Variants in TMEM163 observed in about 807,000 individuals in gnomAD.
TMEM163 encodes transmembrane protein 163.
A neutral mutation model predicts 29.3 loss-of-function variants in TMEM163; 17 were observed. That is an observed-to-expected ratio of 0.58 (90% CI 0.40 to 0.87). TMEM163 has a LOEUF of 0.87. Among genes scored for constraint, TMEM163 ranks in the 40% least tolerant of loss-of-function variants. The pLI is 0.00. For synonymous variants in TMEM163, 157 were observed against 160.6 expected, an observed-to-expected ratio of 0.98 and a Z score of 0.17; for missense variants, 303 against 381.5, an observed-to-expected ratio of 0.79 and a Z score of 1.71.
At chr2:134,474,483 A>C (rs1686872192) in intron 5 of TMEM163, among the ~76,000 whole-genome samples, 1 of 152,202 alleles carries the variant, frequency 6.6e-6, no homozygotes, top group South Asian at 2.1e-4. Flanking sequence ...GGAAAAAGGC[A>C]AGGACATCTA....
intron 4 of TMEM163, among the ~76,000 whole-genome samples, chr2:134,509,105 A>G (rs1378697866): frequency 1.3e-5 from 2 of 152,228 alleles, no homozygotes; most frequent in African/African-American, 4.8e-5. Flanking sequence ...TTGTTAAATG[A>G]TTAGTCTCTA....
rs766803610 is a variant in TMEM163 at position 134,461,927 on chromosome 2, G to A, written c.668-3754C>T. Among the ~76,000 whole-genome samples, 6 of 152,266 alleles carry A rather than the reference G, an allele frequency of 3.9e-5. No individual in the cohort carries two copies. In the East Asian group the frequency reaches 9.6e-4, roughly 24 times the overall value. ...ATGGCTCCCTGAGCCCATCCTGCCC[G>A]CCCACCTTCCAAAGTGAGGAAAGAA... is the stretch of plus-strand genomic sequence containing the variant. On this transcript the variant is annotated intron_variant, in intron 6 of 7. Transcript: ENST00000281924.
intron 5 of TMEM163, among the ~76,000 whole-genome samples, chr2:134,501,132 A>T (rs1679688424): frequency 6.6e-6 from 1 of 152,090 alleles, no homozygotes; most frequent in South Asian, 2.1e-4. Context: ...TTGTCAATTT[A>T]AAAAAATAAG....
intron 2 of TMEM163, among the ~76,000 whole-genome samples, chr2:134,678,305 T>C (rs552346931): frequency 4.6e-5 from 7 of 152,340 alleles, no homozygotes; most frequent in Middle Eastern, 3.4e-3. Context: ...TCCAGGCAGA[T>C]GGCTGTTGAG....
At chr2:134,537,869 T>C (rs1055932487) in intron 4 of TMEM163, among the ~76,000 whole-genome samples, 1 of 152,166 alleles carries the variant, frequency 6.6e-6, no homozygotes, top group Non-Finnish European at 1.5e-5. Context: ...ACTACTTCAA[T>C]AGTACTTTAA....
chr2:134,687,568 A>G (rs1417238168), intron 2 of TMEM163, among the ~76,000 whole-genome samples: 1 of 152,232 alleles, frequency 6.6e-6, no homozygotes, highest in Admixed American at 6.5e-5. Flanking sequence ...TGGCTGTGAC[A>G]AAGTGAATAT....
At chr2:134,704,894 C>G (rs1044699805) in intron 2 of TMEM163, among the ~76,000 whole-genome samples, 1 of 152,116 alleles carries the variant, frequency 6.6e-6, no homozygotes, top group African/African-American at 2.4e-5. Flanking sequence ...TTGTTACTGA[C>G]TGAACTGTGT....
rs7590982 is a variant in TMEM163, at chr2:134,530,866, C to T, written c.458+19704G>A. Among the ~76,000 whole-genome samples the T allele has an allele frequency of 5.8e-3, 882 of 152,308 alleles. 10 individuals are homozygous for T. Among genetic ancestry groups the T allele is most frequent in the African/African-American group, 0.02 (848 of 41,566 alleles). ...ATTCCTCAACACATACCCATGTGCA[C>T]AGACAAGCGCACGCACACACAACAC... On this transcript the variant is annotated intron_variant, in intron 4 of 7. Transcript: ENST00000281924.
chr2:134,635,069 G>A (rs573732424), intron 2 of TMEM163, among the ~76,000 whole-genome samples: 13 of 152,352 alleles, frequency 8.5e-5, no homozygotes, highest in African/African-American at 3.1e-4. Flanking sequence ...GGGACAGGAG[G>A]AAAGACAGTG....
chr2:134,678,337 A>G (rs1432847486), intron 2 of TMEM163, among the ~76,000 whole-genome samples: 1 of 152,252 alleles, frequency 6.6e-6, no homozygotes, highest in Admixed American at 6.5e-5. Flanking sequence ...AAGCAGTGGC[A>G]GTACGCCCTG....
chr2:134,575,272 C>G (rs528594479), intron 2 of TMEM163, among the ~76,000 whole-genome samples: 1 of 152,246 alleles, frequency 6.6e-6, no homozygotes, highest in Admixed American at 6.5e-5. Flanking sequence ...AGAATGGACC[C>G]TGATTAAGCC....
intron 2 of TMEM163, among the ~76,000 whole-genome samples, chr2:134,650,220 T>C (rs1683438438): frequency 6.6e-6 from 1 of 151,988 alleles, no homozygotes; most frequent in African/African-American, 2.4e-5. Flanking sequence ...TTTCAACTCA[T>C]TAACACATAA....
intron 5 of TMEM163, 138 bp downstream of exon 5, chr2:134,502,763 A>C: frequency 1.5e-6 from 1 of 664,934 alleles, no homozygotes; most frequent in East Asian, 2.9e-5. Flanking sequence ...GCATCCCTGC[A>C]ACAAGTTCTT....
At chr2:134,710,744 A>G (rs1028093760) in intron 2 of TMEM163, among the ~76,000 whole-genome samples, 1 of 152,004 alleles carries the variant, frequency 6.6e-6, no homozygotes, top group South Asian at 2.1e-4. Context: ...ATTTTTCACC[A>G]TCCAACAGTA....
intron 4 of TMEM163, among the ~76,000 whole-genome samples, chr2:134,533,038 T>A (rs550730574): frequency 6.6e-6 from 1 of 152,218 alleles, no homozygotes; most frequent in Non-Finnish European, 1.5e-5. Flanking sequence ...TTGTTTCTTA[T>A]TAAAGAAAAA....
At chr2:134,500,412 C>T (rs1054975357) in intron 5 of TMEM163, among the ~76,000 whole-genome samples, 4 of 152,188 alleles carry the variant, frequency 2.6e-5, no homozygotes, top group African/African-American at 7.2e-5. Flanking sequence ...AGCCCTCAGC[C>T]GAGGAGGAGG....
intron 2 of TMEM163, among the ~76,000 whole-genome samples, chr2:134,711,327 A>T (rs1040708050): frequency 2.0e-5 from 3 of 152,186 alleles, no homozygotes; most frequent in Non-Finnish European, 4.4e-5. Context: ...ACACACAAAT[A>T]CTAAAGCTAC....
At chr2:134,672,227 T>G (rs770843220) in intron 2 of TMEM163, among the ~76,000 whole-genome samples, 3 of 152,158 alleles carry the variant, frequency 2.0e-5, no homozygotes, top group Middle Eastern at 3.2e-3. Flanking sequence ...TAAATAAGAA[T>G]AAAAATATGG....
chr2:134,607,149 C>T (rs1682394803), intron 2 of TMEM163, among the ~76,000 whole-genome samples: 1 of 119,458 alleles, frequency 8.4e-6, no homozygotes, highest in Non-Finnish European at 1.7e-5. Flanking sequence ...GGACAGACCC[C>T]GAGAACTGTG....
Sources: allele counts gnomAD v4.1 joint callset (sites outside exome capture counted in the v4.1 genomes callset), GRCh38; gene constraint gnomAD v4.1.1; transcripts MANE v1.5; gene names NCBI Gene and HGNC (gene_info 2026-07-23, HGNC 2026-07-21).